Variants in CCDC91 observed in about 807,000 individuals in gnomAD.
CCDC91 encodes the protein coiled-coil domain-containing protein 91.
Under a neutral mutation model 63.2 loss-of-function variants are expected in CCDC91, and 48 were observed. The observed-to-expected ratio is 0.76, with a 90% CI of 0.60 to 0.97. The LOEUF (loss-of-function observed/expected upper bound fraction) is 0.97, where lower values mean the gene tolerates loss of function less well. Ranked by LOEUF, CCDC91 falls within the 50% of genes least tolerant of loss-of-function variation. CCDC91 has a pLI of 0.00. For synonymous variants in CCDC91, 167 were observed against 165.8 expected (o/e 1.01, Z -0.06); for missense variants, 500 against 494.6 (o/e 1.01, Z -0.10).
intron 3 of CCDC91, among the ~76,000 whole-genome samples, chr12:28,301,690 T>C (rs184874454): frequency 5.1e-4 from 77 of 151,872 alleles, no homozygotes; most frequent in Non-Finnish European, 3.0e-5. Context: ...AATCTGAGCC[T>C]GATGCTTTCT....
At chr12:28,300,437 T>C (rs1326875073) in intron 3 of CCDC91, among the ~76,000 whole-genome samples, 1 of 151,526 alleles carries the variant, frequency 6.6e-6, no homozygotes, top group Non-Finnish European at 1.5e-5. Flanking sequence ...TGTTAATTGC[T>C]GTGCCAAATA....
rs75343012 is a variant in CCDC91 at position 28,271,718 on chromosome 12, C to T, written c.109+12276C>T. Among the ~76,000 whole-genome samples the T allele has an allele frequency of 4.0e-4, 61 of 151,892 alleles. 1 individual carries two copies. The highest frequency in any genetic ancestry group is 1.4e-3 in the African/African-American group (59 of 41,494). On this transcript the variant is annotated intron_variant, in intron 3 of 12. Coordinates refer to ENST00000536442, the MANE Select transcript of CCDC91 (RefSeq NM_018318.5). ...AATTTTCATAAGCATTCTTAACTCACTAAAACCTGAAACTAATTAGTATCT... is the reference window on the plus strand; with the variant it reads ...AATTTTCATAAGCATTCTTAACTCATTAAAACCTGAAACTAATTAGTATCT...
rs535502909 is a variant in CCDC91 at position 28,457,236 on chromosome 12, A to G, written c.1101+4582A>G. On this transcript the variant is annotated intron_variant, in intron 11 of 12. Transcript: ENST00000536442. ...TCATTCTGTCTTTTAGGTGTTTGGC[A>G]GCTAGTTGGGATACATAGACCTGAA... Among the ~76,000 whole-genome samples, 5 of 152,064 alleles carry G rather than the reference A, an allele frequency of 3.3e-5. No homozygotes were observed. The South Asian group carries it at 1.0e-3, about 32-fold the overall frequency.
chr12:28,456,923 A>G (rs1950083376), intron 11 of CCDC91, among the ~76,000 whole-genome samples: 1 of 152,078 alleles, frequency 6.6e-6, no homozygotes, highest in Non-Finnish European at 1.5e-5. Flanking sequence ...AAAAGGAAAT[A>G]ATTTCTAGAT....
At chr12:28,426,438 C>A (rs1948321054) in intron 8 of CCDC91, among the ~76,000 whole-genome samples, 1 of 152,054 alleles carries the variant, frequency 6.6e-6, no homozygotes, top group Non-Finnish European at 1.5e-5. Context: ...TTTGATTTTT[C>A]AGTGTGTTAC....
intron 8 of CCDC91, among the ~76,000 whole-genome samples, chr12:28,420,647 C>T (rs1357540473): frequency 2.0e-5 from 3 of 151,984 alleles, no homozygotes; most frequent in South Asian, 2.1e-4. Flanking sequence ...ACCACTTAAG[C>T]GTTGTTATTG....
intron 12 of CCDC91, among the ~76,000 whole-genome samples, chr12:28,522,496 C>G (rs1565517709): frequency 6.6e-6 from 1 of 152,056 alleles, no homozygotes; most frequent in South Asian, 2.1e-4. Context: ...AGCGGTCTAT[C>G]AATTTTATTG....
chr12:28,201,000 G>A (rs1277023129), intron 1 of CCDC91, among the ~76,000 whole-genome samples: 1 of 129,406 alleles, frequency 7.7e-6, no homozygotes, highest in Non-Finnish European at 1.7e-5. Flanking sequence ...CCGGGCGGGG[G>A]GCTGACCCCC....
chr12:28,243,370 A>G (rs966161812), intron 1 of CCDC91, among the ~76,000 whole-genome samples: 1 of 152,218 alleles, frequency 6.6e-6, no homozygotes, highest in African/African-American at 2.4e-5. Flanking sequence ...GACTAAGCCC[A>G]GTTTCTGATA....
At chr12:28,406,577 T>G (rs1221679032) in intron 8 of CCDC91, among the ~76,000 whole-genome samples, 2 of 152,184 alleles carry the variant, frequency 1.3e-5, no homozygotes, top group Non-Finnish European at 2.9e-5. Context: ...GTGGCTTGTC[T>G]TTTTATTTTC....
intron 8 of CCDC91, among the ~76,000 whole-genome samples, chr12:28,412,132 A>G (rs1947356542): frequency 1.3e-5 from 2 of 152,166 alleles, no homozygotes; most frequent in South Asian, 4.1e-4. Context: ...ATTACACCAT[A>G]CATTCTAGGT....
intron 3 of CCDC91, among the ~76,000 whole-genome samples, chr12:28,286,999 T>C (rs1948953277): frequency 6.6e-6 from 1 of 152,076 alleles, no homozygotes; most frequent in Non-Finnish European, 1.5e-5. Flanking sequence ...GCTTGTTGGC[T>C]GCATGTATGT....
chr12:28,397,271 G>A (rs1392304049), intron 8 of CCDC91, among the ~76,000 whole-genome samples: 1 of 152,198 alleles, frequency 6.6e-6, no homozygotes, highest in Non-Finnish European at 1.5e-5. Context: ...TTTCAACAGA[G>A]TGGTGGAAGA....
chr12:28,510,908 C>T (rs1482821291), intron 12 of CCDC91, among the ~76,000 whole-genome samples: 1 of 151,844 alleles, frequency 6.6e-6, no homozygotes, highest in Non-Finnish European at 1.5e-5. Context: ...TTCCACCACC[C>T]ATCACCTGCC....
intron 12 of CCDC91, among the ~76,000 whole-genome samples, chr12:28,501,023 A>T (rs1346148430): frequency 6.6e-6 from 1 of 151,706 alleles, no homozygotes; most frequent in South Asian, 2.1e-4. Flanking sequence ...AAGAGTTACC[A>T]CCATTTGCTG....
chr12:28,383,516 G>T (rs1565890022), intron 7 of CCDC91, among the ~76,000 whole-genome samples: 4 of 152,066 alleles, frequency 2.6e-5, no homozygotes. Context: ...TCAGACAACT[G>T]TAATTTACTC....
chr12:28,460,199 A>C (rs1328386134), intron 11 of CCDC91, among the ~76,000 whole-genome samples: 2 of 152,146 alleles, frequency 1.3e-5, no homozygotes, highest in Non-Finnish European at 2.9e-5. Flanking sequence ...GCTTTTGAGA[A>C]AATAGAAGCA....
intron 12 of CCDC91, among the ~76,000 whole-genome samples, chr12:28,499,636 T>C (rs1168865409): frequency 6.6e-6 from 1 of 151,324 alleles, no homozygotes. Context: ...AGAATAATGG[T>C]TTCCAGCTTC....
rs544547741 is a variant in CCDC91, at chr12:28,259,761, AT to A, written c.109+321del. Among the ~76,000 whole-genome samples, 3 of 152,070 alleles carry A rather than the reference AT, an allele frequency of 2.0e-5. No individual in the cohort carries two copies. In the South Asian group the frequency reaches 6.2e-4, roughly 31 times the overall value. On this transcript the variant is annotated intron_variant, in intron 3 of 12. Transcript: ENST00000536442. ...ATAACTTTTTTAGGTTGTCCAGTTC[AT>A]TAAAGATTCCTTTTTATAGTCCAAA... is the stretch of plus-strand genomic sequence containing the variant.
Sources: gnomAD v4.1 joint callset for allele counts (sites outside exome capture counted in the v4.1 genomes callset) on GRCh38, gnomAD v4.1.1 for gene constraint, MANE v1.5 for transcripts, NCBI Gene and HGNC (gene_info 2026-07-23, HGNC 2026-07-21) for gene names.